The following SORCS1 variants were observed in gnomAD, a reference collection of about 807,000 sequenced individuals.
The protein encoded by SORCS1 is sortilin related VPS10 domain containing receptor 1.
SORCS1 carries 60 observed loss-of-function variants against 146.1 expected under a neutral mutation model. The ratio of observed to expected loss-of-function variants is 0.41; its 90% confidence interval spans 0.33 to 0.51. The LOEUF is 0.51. Among genes scored for constraint, SORCS1 ranks in the 20% least tolerant of loss-of-function variants. SORCS1 has a pLI of 0.21. For synonymous variants in SORCS1, 637 were observed against 584.0 expected, an observed-to-expected ratio of 1.09 and a Z score of -1.31; for missense variants, 1,352 against 1,487.6, an observed-to-expected ratio of 0.91 and a Z score of 1.50.
intron 2 of SORCS1, among the ~76,000 whole-genome samples, chr10:106,864,034 A>G (rs1174489532): frequency 6.6e-6 from 1 of 152,184 alleles, no homozygotes; most frequent in Non-Finnish European, 1.5e-5. Context: ...CAAGACTTTG[A>G]TTCTTCAAAA....
intron 2 of SORCS1, among the ~76,000 whole-genome samples, chr10:106,912,409 T>C (rs1323582133): frequency 6.6e-6 from 1 of 152,126 alleles, no homozygotes; most frequent in Non-Finnish European, 1.5e-5. Context: ...GAAGATCTTG[T>C]TAAAGTGTGA....
intron 3 of SORCS1, among the ~76,000 whole-genome samples, chr10:106,785,187 A>G (rs1193259868): frequency 6.6e-6 from 1 of 152,156 alleles, no homozygotes; most frequent in Non-Finnish European, 1.5e-5. Context: ...GATCTAAAAT[A>G]ACTCAATTGT....
chr10:106,822,363 C>T (rs1948080803), intron 3 of SORCS1, among the ~76,000 whole-genome samples: 1 of 152,036 alleles, frequency 6.6e-6, no homozygotes, highest in South Asian at 2.1e-4. Context: ...TTCCAAAGAG[C>T]CCACGAGTTC....
intron 1 of SORCS1, among the ~76,000 whole-genome samples, chr10:107,095,262 G>A (rs1262264676): frequency 6.6e-6 from 1 of 152,160 alleles, no homozygotes; most frequent in Admixed American, 6.6e-5. Flanking sequence ...CACAGACAAG[G>A]AAACAGAAGG....
chr10:106,894,255 G>A (rs913031279), intron 2 of SORCS1, among the ~76,000 whole-genome samples: 13 of 145,426 alleles, frequency 8.9e-5, no homozygotes, highest in Middle Eastern at 7.0e-3. Context: ...GTGTGTGTGC[G>A]CGCGCGCACG....
intron 1 of SORCS1, among the ~76,000 whole-genome samples, chr10:107,101,790 G>A (rs1035306230): frequency 6.6e-6 from 1 of 150,620 alleles, no homozygotes; most frequent in Admixed American, 6.6e-5. Flanking sequence ...TTTCTGTTTG[G>A]GGAGAGTTGA....
At chr10:106,720,658 G>A (rs1385495823) in intron 6 of SORCS1, among the ~76,000 whole-genome samples, 1 of 151,740 alleles carries the variant, frequency 6.6e-6, no homozygotes, top group Non-Finnish European at 1.5e-5. Flanking sequence ...GTTATATGGA[G>A]TGCTGCTATT....
intron 2 of SORCS1, among the ~76,000 whole-genome samples, chr10:106,881,164 C>A (rs377556929): frequency 6.6e-6 from 1 of 151,438 alleles, no homozygotes; most frequent in Non-Finnish European, 1.5e-5. Context: ...AGAGGTTATG[C>A]GGTCCAGTAA....
At chr10:107,110,629 C>CCCA (rs1335705319) in intron 1 of SORCS1, among the ~76,000 whole-genome samples, 1 of 151,920 alleles carries the variant, frequency 6.6e-6, no homozygotes. Context: ...TCCCCCCACC[C>CCCA]CCACCACCAC....
chr10:106,685,362 G>A (rs900829311), intron 10 of SORCS1, among the ~76,000 whole-genome samples: 4 of 152,132 alleles, frequency 2.6e-5, no homozygotes, highest in East Asian at 1.9e-4. Context: ...CACAGGCACC[G>A]TCCCTAGGTT....
At chr10:106,762,320 C>T (rs904345624) in intron 4 of SORCS1, among the ~76,000 whole-genome samples, 1 of 150,962 alleles carries the variant, frequency 6.6e-6, no homozygotes, top group African/African-American at 2.4e-5. Context: ...GTAATAATTA[C>T]ACATTATTCA....
intron 5 of SORCS1, among the ~76,000 whole-genome samples, chr10:106,735,275 T>C (rs917769815): frequency 3.3e-5 from 5 of 152,194 alleles, no homozygotes; most frequent in African/African-American, 1.2e-4. Flanking sequence ...ATTATATGAA[T>C]AAATACAATT....
Position 106,846,052 on chromosome 10 carries a change from A to C in SORCS1, c.627-16379T>G, listed in dbSNP as rs866275830. On this transcript the variant is annotated intron_variant, in intron 2 of 25. Transcript: ENST00000263054. ...GCTTTGTTCTTTTGGCTTAGGATTG[A>C]CTTGGCGATGCGGGCTCTTTTTTGG... 2.3e-3 allele frequency among the ~76,000 whole-genome samples: 268 copies of C among 119,106 alleles called. 51 individuals carry two copies. Among genetic ancestry groups the C allele is most frequent in the Non-Finnish European group, 3.9e-3 (200 of 50,780 alleles). 78.1% of individuals were successfully genotyped at this position (119,106 alleles called of 152,430 possible).
rs146714037 is a variant in SORCS1, at chr10:106,650,502, T to C, written c.2475+1880A>G. Among the ~76,000 whole-genome samples the C allele has an allele frequency of 2.4e-4, 36 of 152,322 alleles. No individual in the cohort carries two copies. In the East Asian group the frequency reaches 5.4e-3, roughly 23 times the overall value. On this transcript the variant is annotated intron_variant, in intron 18 of 25. Transcript: ENST00000263054. The stretch of plus-strand genomic sequence containing the variant: ...TGTTTCCTGTGTTACTTGGGTATTA[T>C]GAAATACCTCAGGGAGGAAAAAGGC...
At chr10:106,589,540 T>C (rs906454714) in intron 24 of SORCS1, among the ~76,000 whole-genome samples, 10 of 152,266 alleles carry the variant, frequency 6.6e-5, no homozygotes, top group Admixed American at 2.6e-4. Context: ...TGCTATGAGA[T>C]GGTAAATTAA....
At chr10:106,962,601 A>G (rs1349893405) in intron 1 of SORCS1, among the ~76,000 whole-genome samples, 1 of 152,114 alleles carries the variant, frequency 6.6e-6, no homozygotes, top group Non-Finnish European at 1.5e-5. Flanking sequence ...TATGGTCTAT[A>G]TTTCCAAATC....
chr10:106,887,463 T>C (rs541162050), intron 2 of SORCS1, among the ~76,000 whole-genome samples: 5 of 152,144 alleles, frequency 3.3e-5, no homozygotes, highest in South Asian at 2.1e-4. Flanking sequence ...AGTTCAAATA[T>C]AACCTCAGGA....
chr10:107,097,431 A>G lies in SORCS1; in HGVS notation c.558+66538T>C, dbSNP rs549541050. Among the ~76,000 whole-genome samples the G allele has an allele frequency of 2.6e-5, 4 of 152,216 alleles. No individual in the cohort carries two copies. The East Asian group carries it at 7.7e-4, about 29-fold the overall frequency. ...GTTCTTTCCTACTTTCCATGTCCAC[A>G]CTGTGTGTCATAGGATGGCAGTTTT... On this transcript the variant is annotated intron_variant, in intron 1 of 25. Transcript: ENST00000263054.
At chr10:107,131,936 G>A (rs190264890) in intron 1 of SORCS1, among the ~76,000 whole-genome samples, 9 of 152,136 alleles carry the variant, frequency 5.9e-5, no homozygotes, top group South Asian at 2.1e-4. Context: ...CTTAGCCTCC[G>A]TCCAACAATG....
Sources: gnomAD v4.1 joint callset for allele counts (sites outside exome capture counted in the v4.1 genomes callset) on GRCh38, gnomAD v4.1.1 for gene constraint, MANE v1.5 for transcripts, NCBI Gene and HGNC (gene_info 2026-07-23, HGNC 2026-07-21) for gene names.